RFX7: variants seen among roughly 807,000 people sequenced by gnomAD.
RFX7 encodes DNA-binding protein RFX7.
RFX7 carries 26 observed loss-of-function variants against 111.8 expected under a neutral mutation model. The ratio of observed to expected loss-of-function variants is 0.23; its 90% confidence interval spans 0.17 to 0.32. The LOEUF (loss-of-function observed/expected upper bound fraction) is 0.32, where lower values mean the gene tolerates loss of function less well. RFX7 is among the 10% of genes least tolerant of loss of function. The pLI is 1.00. For synonymous variants in RFX7, 624 were observed against 624.4 expected, an observed-to-expected ratio of 1.00 and a Z score of 0.01; for missense variants, 1,573 against 1,772.9, an observed-to-expected ratio of 0.89 and a Z score of 2.02.
chr15:56,240,001 T>TC (rs1284777905), intron 2 of RFX7, among the ~76,000 whole-genome samples: 3 of 149,954 alleles, frequency 2.0e-5, no homozygotes, highest in Non-Finnish European at 4.4e-5. Context: ...TTTTTTTTTT[T>TC]TTTTTGAAGT....
At position 56,096,378 on chromosome 15, in the gene RFX7, G is replaced by A. The variant is rs2041678007; in HGVS notation, c.1350C>T (p.Val450=). The A allele has an allele frequency of 1.9e-6, 3 of 1,614,000 alleles. No individual in the cohort carries two copies. The highest frequency in any genetic ancestry group is 2.5e-6 in the Non-Finnish European group (3 of 1,179,882). The change falls in exon 10 of 10, where the codon GTC becomes GTT. Residue 450 remains valine (V), a synonymous_variant. Transcript: ENST00000559447. The part of the protein sequence containing the change: ...SALTIRSPTT[V]LFTSSPIKTA... ...TTTTGATGGGACTACTAGTAAAGAG[G>A]ACAGTAGTTGGAGAGCGAATGGTGA...
chr15:56,183,305 A>C (rs1362932081), intron 2 of RFX7, among the ~76,000 whole-genome samples: 1 of 152,022 alleles, frequency 6.6e-6, no homozygotes, highest in Non-Finnish European at 1.5e-5. Flanking sequence ...TGATCTAGTC[A>C]ATTTTTTTCC....
intron 3 of RFX7, among the ~76,000 whole-genome samples, chr15:56,166,475 A>C (rs1398188663): frequency 1.3e-5 from 2 of 150,674 alleles, no homozygotes; most frequent in Non-Finnish European, 3.0e-5. Flanking sequence ...GCAGTAATAT[A>C]AACAGGAAGT....
chr15:56,194,157 C>G (rs1311834480), intron 2 of RFX7, among the ~76,000 whole-genome samples: 1 of 152,084 alleles, frequency 6.6e-6, no homozygotes, highest in East Asian at 1.9e-4. Flanking sequence ...AGAAAATATT[C>G]TAGGAGACTC....
intron 2 of RFX7, among the ~76,000 whole-genome samples, chr15:56,211,128 A>G (rs1439892358): frequency 1.3e-5 from 2 of 152,110 alleles, no homozygotes; most frequent in Non-Finnish European, 2.9e-5. Flanking sequence ...AAATGAATCA[A>G]TAATTAATAA....
At chr15:56,108,534 A>G (rs1186537228) in intron 5 of RFX7, among the ~76,000 whole-genome samples, 1 of 152,124 alleles carries the variant, frequency 6.6e-6, no homozygotes, top group Admixed American at 6.6e-5. Context: ...TAAACTAGGT[A>G]TTGATGGAAC....
chr15:56,161,191 C>G (rs1363383712), intron 3 of RFX7, among the ~76,000 whole-genome samples: 3 of 152,002 alleles, frequency 2.0e-5, no homozygotes, highest in African/African-American at 7.2e-5. Context: ...AACCCAAAAC[C>G]TGTTTCTCAC....
At chr15:56,228,847 A>G (rs569875663) in intron 2 of RFX7, among the ~76,000 whole-genome samples, 1 of 152,318 alleles carries the variant, frequency 6.6e-6, no homozygotes, top group African/African-American at 2.4e-5. Flanking sequence ...TATATATACT[A>G]TGTTTTTTCC....
At chr15:56,230,751 G>C (rs1231209775) in intron 2 of RFX7, among the ~76,000 whole-genome samples, 1 of 152,224 alleles carries the variant, frequency 6.6e-6, no homozygotes, top group Non-Finnish European at 1.5e-5. Flanking sequence ...TACTACAGTA[G>C]CTAACGAATG....
intron 5 of RFX7, among the ~76,000 whole-genome samples, chr15:56,106,076 T>C (rs918283968): frequency 6.6e-6 from 1 of 151,958 alleles, no homozygotes; most frequent in Admixed American, 6.6e-5. Flanking sequence ...AAGAGGGGAG[T>C]GAGAGATGAC....
rs2041568369 is a variant in RFX7 at position 56,089,389 on chromosome 15, G to C, written c.*3956C>G. The C allele has an allele frequency of 6.6e-6, 1 of 152,532 alleles. No individual in the cohort carries two copies. Among genetic ancestry groups the C allele is most frequent in the Non-Finnish European group, 1.5e-5 (1 of 68,028 alleles). 9.4% of individuals were successfully genotyped at this position (152,532 alleles called of 1,614,324 possible). On this transcript the variant is annotated 3_prime_UTR_variant, in exon 10 of 10. Coordinates refer to ENST00000559447, the MANE Select transcript of RFX7 (RefSeq NM_022841.7). ...GGAACAGAAACACAAACAGGATCTGGTGCCTGTAAACAATGAACCATTGAA... is the reference window on the plus strand; with the variant it reads ...GGAACAGAAACACAAACAGGATCTGCTGCCTGTAAACAATGAACCATTGAA...
rs869249448 is a variant in RFX7, at chr15:56,218,144, C to CTTTTTTTT, written c.161+24973_161+24980dup. ...TTACAAGTAATTTAGAAATGATTTTCTTTTTTTTTTTTTTTTTTTTTTTTT... is the reference window on the plus strand; with the variant it reads ...TTACAAGTAATTTAGAAATGATTTTCTTTTTTTTTTTTTTTTTTTTTTTTTTTTTTTTT... On this transcript the variant is annotated intron_variant, in intron 2 of 9. Coordinates refer to ENST00000559447, the MANE Select transcript of RFX7 (RefSeq NM_022841.7). 2.3e-3 allele frequency among the ~76,000 whole-genome samples: 133 copies of CTTTTTTTT among 57,972 alleles called. 15 individuals carry two copies. The highest frequency in any genetic ancestry group is 4.5e-3 in the African/African-American group (62 of 13,874). 38.0% of individuals were successfully genotyped at this position (57,972 alleles called of 152,430 possible).
At chr15:56,202,664 G>A (rs568967685) in intron 2 of RFX7, among the ~76,000 whole-genome samples, 1 of 152,216 alleles carries the variant, frequency 6.6e-6, no homozygotes, top group East Asian at 1.9e-4. Flanking sequence ...TAAAATAAAC[G>A]AGCCAGGTGT....
At chr15:56,159,283 T>C (rs1352991785) in intron 3 of RFX7, among the ~76,000 whole-genome samples, 1 of 152,230 alleles carries the variant, frequency 6.6e-6, no homozygotes, top group Admixed American at 6.5e-5. Context: ...TTAGGTACTG[T>C]GAATAAGGCT....
intron 5 of RFX7, among the ~76,000 whole-genome samples, chr15:56,110,973 T>TGG (rs762270966): frequency 1.7e-4 from 2 of 11,444 alleles, no homozygotes; most frequent in Admixed American, 1.0e-3. Context: ...GGGAGGGAGG[T>TGG]GGGGGGGGTC....
intron 2 of RFX7, among the ~76,000 whole-genome samples, chr15:56,241,383 A>T (rs974946428): frequency 1.3e-5 from 2 of 152,188 alleles, no homozygotes; most frequent in African/African-American, 4.8e-5. Context: ...TTATTTTAAA[A>T]CTATAAAGTG....
At chr15:56,194,880 A>T (rs2043132934) in intron 2 of RFX7, among the ~76,000 whole-genome samples, 1 of 152,048 alleles carries the variant, frequency 6.6e-6, no homozygotes, top group Non-Finnish European at 1.5e-5. Flanking sequence ...TAAAACAGAG[A>T]ATTACCACTT....
At chr15:56,107,296 CAAAAAAAAAAAA>C (rs56077181) in intron 5 of RFX7, among the ~76,000 whole-genome samples, 6 of 32,146 alleles carry the variant, frequency 1.9e-4, no homozygotes, top group African/African-American at 3.3e-4. Context: ...GACTCCGTCT[CAAAAAAAAAAAA>C]AAAAAAAAAA....
intron 2 of RFX7, among the ~76,000 whole-genome samples, chr15:56,219,024 T>A (rs1182051225): frequency 6.6e-6 from 1 of 152,164 alleles, no homozygotes; most frequent in African/African-American, 2.4e-5. Context: ...AGTGAAAACA[T>A]ACAAACATTA....
Sources: allele counts gnomAD v4.1 joint callset (sites outside exome capture counted in the v4.1 genomes callset), GRCh38; gene constraint gnomAD v4.1.1; transcripts MANE v1.5; gene names NCBI Gene and HGNC (gene_info 2026-07-23, HGNC 2026-07-21).